SLC26A7: variants seen among roughly 807,000 people sequenced by gnomAD.
The protein encoded by SLC26A7 is solute carrier family 26 member 7, also known as anion exchange transporter.
SLC26A7 carries 59 observed loss-of-function variants against 82.5 expected under a neutral mutation model. The observed-to-expected ratio is 0.72, with a 90% CI of 0.58 to 0.89. The LOEUF is 0.89. Ranked by LOEUF, SLC26A7 falls within the 40% of genes least tolerant of loss-of-function variation. The probability of loss-of-function intolerance (pLI) is 0.00; values close to 1 mark genes in which losing one functional copy is unlikely to be tolerated. For synonymous variants in SLC26A7, 271 were observed against 274.3 expected, an observed-to-expected ratio of 0.99 and a Z score of 0.12; for missense variants, 820 against 793.0, an observed-to-expected ratio of 1.03 and a Z score of -0.41.
intron 5 of SLC26A7, among the ~76,000 whole-genome samples, chr8:91,332,592 A>G (rs1326104405): frequency 1.3e-5 from 2 of 149,084 alleles, no homozygotes; most frequent in African/African-American, 4.9e-5. Context: ...TAGTGGTGCA[A>G]TCATAGCTCA....
chr8:91,276,488 A>G (rs963137507), intron 2 of SLC26A7, among the ~76,000 whole-genome samples: 1 of 152,202 alleles, frequency 6.6e-6, no homozygotes, highest in Non-Finnish European at 1.5e-5. Context: ...TGAAAATTCT[A>G]GCAGATATAG....
At chr8:91,348,571 C>T (rs1813628219) in intron 9 of SLC26A7, among the ~76,000 whole-genome samples, 1 of 152,028 alleles carries the variant, frequency 6.6e-6, no homozygotes, top group African/African-American at 2.4e-5. Flanking sequence ...TATATTTGGT[C>T]ATTTAGTTAG....
rs983567521 is a variant in SLC26A7 at position 91,395,368 on chromosome 8, T to C, written c.*271T>C. ...CTGAAGGGTAAACATGGTTTTATTT[T>C]ATTTTACCATATTATTTTGTGTTGT... On this transcript the variant is annotated 3_prime_UTR_variant, in exon 19 of 19. Coordinates refer to ENST00000276609, the MANE Select transcript of SLC26A7 (RefSeq NM_052832.4). The C allele has an allele frequency of 7.0e-6, 4 of 572,054 alleles. No individual in the cohort carries two copies. Among genetic ancestry groups the C allele is most frequent in the Non-Finnish European group, 1.0e-5 (4 of 401,186 alleles). The allele number at this position is 572,054 out of a possible 1,614,324, so 35.4% of individuals were successfully genotyped here.
At chr8:91,296,119 A>G (rs879581693) in intron 4 of SLC26A7, among the ~76,000 whole-genome samples, 1 of 152,170 alleles carries the variant, frequency 6.6e-6, no homozygotes, top group Non-Finnish European at 1.5e-5. Flanking sequence ...TTCAGATTTT[A>G]TGATGTTATT....
At chr8:91,286,797 G>T (rs1029903429) in intron 2 of SLC26A7, among the ~76,000 whole-genome samples, 1 of 152,138 alleles carries the variant, frequency 6.6e-6, no homozygotes, top group Non-Finnish European at 1.5e-5. Flanking sequence ...GTATGTGTGT[G>T]CATATGCTCA....
chr8:91,388,448 T>C (rs1814863145), intron 15 of SLC26A7, among the ~76,000 whole-genome samples: 1 of 152,206 alleles, frequency 6.6e-6, no homozygotes, highest in South Asian at 2.1e-4. Context: ...GTCCCACTTT[T>C]ATGTAGCCAC....
In SLC26A7 at chr8:91,366,578, A is replaced by T. The variant is rs1271204683; in HGVS notation, c.1489-2A>T. The T allele has an allele frequency of 6.2e-7, 1 of 1,610,440 alleles. No individual in the cohort carries two copies. Among genetic ancestry groups the T allele is most frequent in the Admixed American group, 1.7e-5 (1 of 58,862 alleles). On this transcript the variant is annotated splice_acceptor_variant, in intron 13 of 18. Coordinates refer to ENST00000276609, the MANE Select transcript of SLC26A7 (RefSeq NM_052832.4). LOFTEE classifies it high-confidence loss of function. ...TCTGAATCTGTTTTTCTCCTCCAAA[A>T]GGAAACCCTGCAGCAGGTGAAAATT...
chr8:91,239,599 A>G (rs985115739), intron 2 of SLC26A7, among the ~76,000 whole-genome samples: 2 of 151,972 alleles, frequency 1.3e-5, no homozygotes, highest in Non-Finnish European at 2.9e-5. Context: ...CACACACACT[A>G]TGTTGTTGTT....
At chr8:91,357,277 G>T (rs374540027) in intron 11 of SLC26A7, 63 of 152,252 alleles carry the variant, frequency 4.1e-4, no homozygotes, top group Middle Eastern at 3.4e-3. Flanking sequence ...GGATAAGTTT[G>T]TTGGCTTCTA....
intron 2 of SLC26A7, among the ~76,000 whole-genome samples, chr8:91,265,322 A>G (rs1303285499): frequency 6.6e-6 from 1 of 152,040 alleles, no homozygotes; most frequent in Admixed American, 6.6e-5. Flanking sequence ...TCTCTTGGCT[A>G]TTGTGGATAG....
intron 2 of SLC26A7, among the ~76,000 whole-genome samples, chr8:91,277,813 C>T (rs1488380574): frequency 2.0e-5 from 3 of 151,638 alleles, no homozygotes; most frequent in Admixed American, 2.0e-4. Context: ...TTTAATGTAT[C>T]AATATTAAAA....
chr8:91,252,489 T>C (rs1340670178), intron 2 of SLC26A7, among the ~76,000 whole-genome samples: 1 of 152,102 alleles, frequency 6.6e-6, no homozygotes, highest in Admixed American at 6.6e-5. Flanking sequence ...TCTTGGTTTT[T>C]AGACACCACT....
intron 5 of SLC26A7, among the ~76,000 whole-genome samples, chr8:91,324,786 G>A (rs574209693): frequency 1.6e-4 from 24 of 152,304 alleles, no homozygotes; most frequent in Admixed American, 1.6e-3. Flanking sequence ...AGTGACAGGG[G>A]TGGGTCTGCT....
Position 91,249,812 on chromosome 8 carries a change from G to A in SLC26A7, c.161G>A (p.Gly54Glu). Reference protein sequence around the residue: ...KENLLPDTVSGIMLAVQQVTQ... With the variant: ...KENLLPDTVSEIMLAVQQVTQ... ...AACTTGCTTCCAGACACTGTGTCTG[G>A]GATAATGTTGGCAGTTCAACAGGTG... The change falls in exon 2 of 19, where the codon GGG becomes GAG. Residue 54 changes from glycine (G) to glutamate (E), a missense_variant. Gly to Glu is a moderately conservative substitution (Grantham distance 98). Coordinates refer to ENST00000276609, the MANE Select transcript of SLC26A7 (RefSeq NM_052832.4). 1 of 1,607,324 alleles carries A rather than the reference G, an allele frequency of 6.2e-7. No homozygotes were observed. Among genetic ancestry groups the A allele is most frequent in the Non-Finnish European group, 8.5e-7 (1 of 1,177,720 alleles).
intron 16 of SLC26A7, among the ~76,000 whole-genome samples, chr8:91,392,884 C>T (rs1265909839): frequency 6.6e-6 from 1 of 152,064 alleles, no homozygotes. Flanking sequence ...TTTTAACTTG[C>T]AAAAATGGGA....
chr8:91,321,908 CT>C (rs35647215), intron 5 of SLC26A7, among the ~76,000 whole-genome samples: 81,015 of 151,808 alleles, frequency 0.53, 24,411 homozygotes, highest in Non-Finnish European at 0.67. Flanking sequence ...GTTGTCTTGT[CT>C]GTTTTGTGCA....
At chr8:91,345,358 C>A (rs577437520) in intron 9 of SLC26A7, among the ~76,000 whole-genome samples, 56 of 152,118 alleles carry the variant, frequency 3.7e-4, no homozygotes, top group Non-Finnish European at 6.9e-4. Context: ...GGCTCCAGAG[C>A]CTGGGCTTGT....
intron 4 of SLC26A7, among the ~76,000 whole-genome samples, chr8:91,300,980 CT>C (rs1188552780): frequency 6.6e-6 from 1 of 152,144 alleles, no homozygotes; most frequent in African/African-American, 2.4e-5. Flanking sequence ...GCTGAAGCCT[CT>C]TCAGCATCTA....
intron 5 of SLC26A7, among the ~76,000 whole-genome samples, chr8:91,322,202 T>A (rs943198969): frequency 2.0e-5 from 3 of 152,094 alleles, no homozygotes; most frequent in African/African-American, 7.2e-5. Context: ...GAAACAAATA[T>A]ATCTTCTGTT....
Sources: allele counts gnomAD v4.1 joint callset (sites outside exome capture counted in the v4.1 genomes callset), GRCh38; gene constraint gnomAD v4.1.1; transcripts MANE v1.5; gene names NCBI Gene and HGNC (gene_info 2026-07-23, HGNC 2026-07-21).